The following FAHD2A variants were observed in gnomAD, a reference collection of about 807,000 sequenced individuals.
FAHD2A encodes fumarylacetoacetate hydrolase domain containing 2A, also known as oxaloacetate tautomerase FAHD2A, mitochondrial.
FAHD2A carries 27 observed loss-of-function variants against 33.4 expected under a neutral mutation model. That is an observed-to-expected ratio of 0.81 (90% CI 0.60 to 1.11). The LOEUF (loss-of-function observed/expected upper bound fraction) is 1.11, where lower values mean the gene tolerates loss of function less well. Ranked by LOEUF, FAHD2A falls within the 50% of genes most tolerant of loss-of-function variation. The pLI, the probability that FAHD2A is intolerant of heterozygous loss-of-function variation, is 0.00. For missense variants in FAHD2A, 296 were observed against 395.0 expected, an observed-to-expected ratio of 0.75 and a Z score of 2.12; for synonymous variants, 130 against 153.3, an observed-to-expected ratio of 0.85 and a Z score of 1.12.
At chr2:95,403,919 A>G (rs1681114922) in intron 1 of FAHD2A, among the ~76,000 whole-genome samples, 2 of 152,242 alleles carry the variant, frequency 1.3e-5, no homozygotes, top group South Asian at 4.1e-4. Flanking sequence ...GTGTGTGCAC[A>G]TTGGCTCGAA....
intron 2 of FAHD2A, among the ~76,000 whole-genome samples, chr2:95,406,289 C>A (rs903692806): frequency 7.0e-6 from 1 of 142,584 alleles, no homozygotes; most frequent in Non-Finnish European, 1.5e-5. Flanking sequence ...AGAATCTGGT[C>A]TAAGGAGCTG....
At chr2:95,405,385 C>T (rs562341716) in intron 1 of FAHD2A, 168 bp from the exon 2 acceptor site, 49 of 1,019,180 alleles carry the variant, frequency 4.8e-5, no homozygotes, top group Non-Finnish European at 6.0e-5. Flanking sequence ...AAAAGTTTCA[C>T]CTTATGAAGT....
intron 5 of FAHD2A, 87 bp from the exon 6 acceptor site, chr2:95,412,347 G>A (rs1682665134): frequency 4.6e-6 from 7 of 1,525,668 alleles, no homozygotes; most frequent in South Asian, 2.4e-5. Flanking sequence ...GCCAAGTCAC[G>A]AAGCACCCCT....
At chr2:95,411,053 T>C (rs749174031) in intron 5 of FAHD2A, 27 bp downstream of exon 5, 19 of 1,612,664 alleles carry the variant, frequency 1.2e-5, no homozygotes, top group Non-Finnish European at 1.4e-5. Context: ...TGCCCCCTTA[T>C]ACCTACCATT....
chr2:95,410,787 T>C (rs1234704156), intron 4 of FAHD2A, 77 bp from the exon 5 acceptor site: 7 of 1,590,294 alleles, frequency 4.4e-6, no homozygotes, highest in Non-Finnish European at 5.1e-6. Context: ...GGATAACAGC[T>C]TAGAGATCCC....
chr2:95,407,953 C>T (rs1016759774), intron 3 of FAHD2A, among the ~76,000 whole-genome samples: 2 of 151,872 alleles, frequency 1.3e-5, no homozygotes, highest in African/African-American at 2.4e-5. Flanking sequence ...GATAACTTTT[C>T]CACCTGGTTT....
chr2:95,410,654 T>A, intron 4 of FAHD2A, 68 bp downstream of exon 4: 1 of 1,594,242 alleles, frequency 6.3e-7, no homozygotes, highest in Non-Finnish European at 8.6e-7. Context: ...CTCTCCTAGT[T>A]CTGACCCCAC....
rs1681768843 is a variant in FAHD2A, at chr2:95,407,372, A to G, written c.462+215A>G. ...AAAGCAATGCACCTTCACTGTAGAT[A>G]ATAAAATAGAGATAAACATTAAAAA... On this transcript the variant is annotated intron_variant, in intron 3 of 7. Coordinates refer to ENST00000233379, the MANE Select transcript of FAHD2A (RefSeq NM_016044.3). The G allele has an allele frequency of 1.5e-5, 10 of 658,736 alleles. No individual in the cohort carries two copies. The South Asian group carries it at 2.1e-4, about 14-fold the overall frequency. The allele number at this position is 658,736 out of a possible 1,614,324, so 40.8% of individuals were successfully genotyped here. A position where few individuals can be genotyped will look rare whatever the true frequency, so the allele number is the denominator to read the frequency against.
downstream of FAHD2A, among the ~76,000 whole-genome samples, chr2:95,417,689 A>G (rs2551305): frequency 8.7e-3 from 1,321 of 151,622 alleles, 15 homozygotes; most frequent in African/African-American, 0.018. Flanking sequence ...CAGGAGCATG[A>G]TGAGGGCCCT....
downstream of FAHD2A, among the ~76,000 whole-genome samples, chr2:95,421,017 G>A (rs1189158470): frequency 3.0e-5 from 2 of 67,492 alleles, no homozygotes; most frequent in Admixed American, 3.5e-4. Flanking sequence ...GTGTGTGTGT[G>A]TGTGTGTGTG....
rs1003264148 is a variant in FAHD2A, at chr2:95,415,681, C to T, written c.*2724C>T. Reference sequence around the variant, plus strand: ...AAGCTGGGGAAGAGCCTGCTGCCGCCCAGCTCTGGTTGTGGAAGGGCTGGC... The same window carrying T: ...AAGCTGGGGAAGAGCCTGCTGCCGCTCAGCTCTGGTTGTGGAAGGGCTGGC... On this transcript the variant is annotated 3_prime_UTR_variant, in exon 8 of 8. Transcript: ENST00000233379. The T allele has an allele frequency of 6.6e-6, 1 of 152,642 alleles. No individual in the cohort carries two copies. Among genetic ancestry groups the T allele is most frequent in the African/African-American group, 2.4e-5 (1 of 41,430 alleles). 9.5% of individuals were successfully genotyped at this position (152,642 alleles called of 1,614,324 possible). A position where few individuals can be genotyped will look rare whatever the true frequency, so the allele number is the denominator to read the frequency against.
intron 3 of FAHD2A, 92 bp from the exon 4 acceptor site, chr2:95,410,435 G>C: frequency 1.3e-6 from 2 of 1,511,976 alleles, no homozygotes; most frequent in Non-Finnish European, 1.8e-6. Flanking sequence ...TACTGACAAA[G>C]GTTGAGGCCC....
At chr2:95,418,453 G>A (rs556875358), downstream of FAHD2A, among the ~76,000 whole-genome samples, 2 of 152,010 alleles carry the variant, frequency 1.3e-5, no homozygotes, top group African/African-American at 2.4e-5. Context: ...ATTGAAAGAA[G>A]AGAATGTGAC....
chr2:95,420,232 C>T (rs1175383646), downstream of FAHD2A, among the ~76,000 whole-genome samples: 1 of 152,110 alleles, frequency 6.6e-6, no homozygotes, highest in Non-Finnish European at 1.5e-5. Context: ...TTTAGCCAGA[C>T]ACCTGGGCAC....
chr2:95,404,964 A>C (rs949013901), intron 1 of FAHD2A, among the ~76,000 whole-genome samples: 3 of 152,230 alleles, frequency 2.0e-5, no homozygotes, highest in African/African-American at 7.2e-5. Flanking sequence ...TGAGCAGTGG[A>C]AACCATTTTA....
chr2:95,410,822 A>C, intron 4 of FAHD2A, 42 bp from the exon 5 acceptor site: 1 of 1,610,664 alleles, frequency 6.2e-7, no homozygotes, highest in Middle Eastern at 1.7e-4. Context: ...GGTGTCACCC[A>C]TGATCTAACC....
chr2:95,406,390 A>C (rs1681564524), intron 2 of FAHD2A, among the ~76,000 whole-genome samples: 1 of 149,312 alleles, frequency 6.7e-6, no homozygotes, highest in Admixed American at 6.7e-5. Context: ...CAGTATTAAC[A>C]GTATGTTCCC....
Position 95,413,231 on chromosome 2 carries a change from A to T in FAHD2A, c.*274A>T. The T allele has an allele frequency of 7.8e-6, 9 of 1,158,776 alleles. No homozygotes were observed. Among genetic ancestry groups the T allele is most frequent in the Non-Finnish European group, 1.1e-5 (9 of 835,890 alleles). 71.8% of individuals were successfully genotyped at this position (1,158,776 alleles called of 1,614,324 possible). Reference sequence around the variant, plus strand: ...AAGAAGAGAGCAAATACACACACATATGCCAAAAAGATGCTGCTGGGCTGG... The same window carrying T: ...AAGAAGAGAGCAAATACACACACATTTGCCAAAAAGATGCTGCTGGGCTGG... On this transcript the variant is annotated 3_prime_UTR_variant, in exon 8 of 8. Transcript: ENST00000233379.
chr2:95,412,292 CAT>C (rs975219535), intron 5 of FAHD2A, 140 bp from the exon 6 acceptor site: 10 of 932,832 alleles, frequency 1.1e-5, no homozygotes, highest in African/African-American at 6.6e-5. Flanking sequence ...AAAGTTCTAA[CAT>C]AGAGCACTGA....
Sources: allele counts gnomAD v4.1 joint callset (sites outside exome capture counted in the v4.1 genomes callset), GRCh38; gene constraint gnomAD v4.1.1; transcripts MANE v1.5; gene names NCBI Gene and HGNC (gene_info 2026-07-23, HGNC 2026-07-21).